The following EIF2B3 variants were observed in gnomAD, a reference collection of about 807,000 sequenced individuals.
EIF2B3 encodes translation initiation factor eIF2B subunit gamma.
In EIF2B3, 20 loss-of-function variants were observed where a neutral mutation model predicts 54.1. The observed-to-expected ratio is 0.37, with a 90% CI of 0.26 to 0.54. The LOEUF (loss-of-function observed/expected upper bound fraction) is 0.54. Ranked by LOEUF, EIF2B3 falls within the 20% of genes least tolerant of loss-of-function variation. The pLI is 0.86. For missense variants in EIF2B3, 448 were observed against 547.8 expected (o/e 0.82, Z 1.82); for synonymous variants, 153 against 188.1 (o/e 0.81, Z 1.52).
At chr1:44,975,851 C>T (rs1455096131) in intron 3 of EIF2B3, among the ~76,000 whole-genome samples, 1 of 151,992 alleles carries the variant, frequency 6.6e-6, no homozygotes, top group Non-Finnish European at 1.5e-5. Flanking sequence ...CACCTGTAAT[C>T]CCAGCTACTC....
At chr1:44,958,837 G>A in intron 3 of EIF2B3, 6 of 984,284 alleles carry the variant, frequency 6.1e-6, no homozygotes, top group Non-Finnish European at 8.2e-6. Flanking sequence ...TGAGCAGTGG[G>A]CTTCTGGACA....
intron 6 of EIF2B3, among the ~76,000 whole-genome samples, chr1:44,887,332 T>A (rs1406029668): frequency 6.6e-6 from 1 of 152,248 alleles, no homozygotes; most frequent in Non-Finnish European, 1.5e-5. Context: ...ATGTTTGTGT[T>A]CTACCCCTTT....
At chr1:44,913,800 T>TAA (rs1373572176) in intron 5 of EIF2B3, among the ~76,000 whole-genome samples, 1 of 151,366 alleles carries the variant, frequency 6.6e-6, no homozygotes, top group Non-Finnish European at 1.5e-5. Context: ...GCACCCAGCC[T>TAA]TACTTGCTTT....
At chr1:44,877,058 C>T (rs942096767) in intron 8 of EIF2B3, among the ~76,000 whole-genome samples, 5 of 150,668 alleles carry the variant, frequency 3.3e-5, no homozygotes, top group Non-Finnish European at 5.9e-5. Flanking sequence ...ACAAACGCTG[C>T]GGAAGGCCAC....
chr1:44,920,316 C>T (rs945680895), intron 5 of EIF2B3, among the ~76,000 whole-genome samples: 42 of 152,100 alleles, frequency 2.8e-4, no homozygotes, highest in African/African-American at 9.9e-4. Context: ...GCATGCAATA[C>T]GTAATAATCA....
chr1:44,977,588 C>T (rs550135221), intron 3 of EIF2B3, among the ~76,000 whole-genome samples: 2 of 151,966 alleles, frequency 1.3e-5, no homozygotes, highest in Admixed American at 6.6e-5. Context: ...CCTCAGCCTC[C>T]CCAGTAGCTA....
chr1:44,927,144 A>C (rs1643863248), intron 4 of EIF2B3, among the ~76,000 whole-genome samples: 1 of 152,170 alleles, frequency 6.6e-6, no homozygotes, highest in Admixed American at 6.6e-5. Flanking sequence ...ATCTCAAAAA[A>C]AAAAAACAGG....
intron 10 of EIF2B3, 51 bp from the exon 11 acceptor site, chr1:44,857,858 C>T: frequency 6.4e-7 from 1 of 1,563,952 alleles, no homozygotes; most frequent in Non-Finnish European, 8.8e-7. Flanking sequence ...CATCACCATC[C>T]TCATTACTAT....
rs1557714993 is a variant in EIF2B3 at position 44,978,297 on chromosome 1, CA to C, written c.294+17del. The C allele has an allele frequency of 1.2e-6, 2 of 1,613,560 alleles. No individual in the cohort carries two copies. Among genetic ancestry groups the C allele is most frequent in the East Asian group, 2.2e-5 (1 of 44,854 alleles). On this transcript the variant is annotated intron_variant, in intron 3 of 11. Transcript: ENST00000360403. ...TCTATCTTCAATAAACAAGAAGAGT[CA>C]AAAAATTGCTTTTCACCTTAAGTTT...
intron 3 of EIF2B3, among the ~76,000 whole-genome samples, chr1:44,945,485 C>T (rs1426134693): frequency 6.7e-6 from 1 of 150,254 alleles, no homozygotes; most frequent in East Asian, 2.0e-4. Context: ...ACCCAGGGGG[C>T]GGAGCTTGCC....
chr1:44,857,657 C>A, intron 11 of EIF2B3, 47 bp downstream of exon 11: 4 of 1,561,918 alleles, frequency 2.6e-6, no homozygotes, highest in Non-Finnish European at 3.5e-6. Flanking sequence ...ATTATCAGTG[C>A]TGGTGTGAGA....
At chr1:44,932,837 T>C (rs990483683) in intron 4 of EIF2B3, among the ~76,000 whole-genome samples, 3 of 152,158 alleles carry the variant, frequency 2.0e-5, no homozygotes, top group Non-Finnish European at 2.9e-5. Context: ...AACAAATATG[T>C]GGGCAGAATA....
At position 44,983,241 on chromosome 1, in the gene EIF2B3, C is replaced by T. The variant is rs1644533453; in HGVS notation, c.-9-2064G>A. ...TCTTTACTGATTTAAACTGAAAGTA[C>T]TTTCTCTTACAATGATGTAATTTTA... On this transcript the variant is annotated intron_variant, in intron 1 of 11. Coordinates refer to ENST00000360403, the MANE Select transcript of EIF2B3 (RefSeq NM_020365.5). Among the ~76,000 whole-genome samples, 5 of 152,318 alleles carry T rather than the reference C, an allele frequency of 3.3e-5. No individual in the cohort carries two copies. In the South Asian group the frequency reaches 1.0e-3, roughly 32 times the overall value.
chr1:44,868,397 CAAAA>C (rs34094245), intron 10 of EIF2B3, among the ~76,000 whole-genome samples: 2 of 65,446 alleles, frequency 3.1e-5, no homozygotes, highest in Admixed American at 1.9e-4. Context: ...GACTCCGTCT[CAAAA>C]AAAAAAAAAA....
At chr1:44,855,039 G>C (rs1654393571) in intron 11 of EIF2B3, among the ~76,000 whole-genome samples, 1 of 151,230 alleles carries the variant, frequency 6.6e-6, no homozygotes, top group South Asian at 2.1e-4. Flanking sequence ...AACAAGTCTT[G>C]AGTGCTGCAC....
chr1:44,887,876 C>T (rs548616614), intron 6 of EIF2B3, among the ~76,000 whole-genome samples: 100 of 151,750 alleles, frequency 6.6e-4, no homozygotes, highest in Non-Finnish European at 1.0e-3. Flanking sequence ...CCAGCCTGGG[C>T]GACAGAGCCA....
At chr1:44,853,531 G>A (rs555275891) in intron 11 of EIF2B3, among the ~76,000 whole-genome samples, 3 of 152,218 alleles carry the variant, frequency 2.0e-5, no homozygotes, top group South Asian at 2.1e-4. Flanking sequence ...GCTTGAGCCC[G>A]GGAGGTCAAG....
chr1:44,871,248 T>G (rs1654955851), intron 10 of EIF2B3, among the ~76,000 whole-genome samples: 1 of 152,234 alleles, frequency 6.6e-6, no homozygotes, highest in East Asian at 1.9e-4. Flanking sequence ...TTTAATCACC[T>G]TATTGTCTGT....
At chr1:44,985,283 T>C (rs1644560466) in intron 1 of EIF2B3, among the ~76,000 whole-genome samples, 1 of 152,198 alleles carries the variant, frequency 6.6e-6, no homozygotes, top group South Asian at 2.1e-4. Flanking sequence ...CTATTAAACT[T>C]TGAAGACAGC....
Sources: gnomAD v4.1 joint callset for allele counts (sites outside exome capture counted in the v4.1 genomes callset) on GRCh38, gnomAD v4.1.1 for gene constraint, MANE v1.5 for transcripts, NCBI Gene and HGNC (gene_info 2026-07-23, HGNC 2026-07-21) for gene names.